The following TGFB2 variants were observed in gnomAD, a reference collection of about 807,000 sequenced individuals.
The protein encoded by TGFB2 is transforming growth factor beta-2 proprotein.
Under a neutral mutation model 42.7 loss-of-function variants are expected in TGFB2, and 13 were observed. The observed-to-expected ratio is 0.30, with a 90% CI of 0.20 to 0.48. The LOEUF (loss-of-function observed/expected upper bound fraction) is 0.48, where lower values mean the gene tolerates loss of function less well. Among genes scored for constraint, TGFB2 ranks in the 20% least tolerant of loss-of-function variants. The probability of loss-of-function intolerance (pLI) is 0.99; values close to 1 mark genes in which losing one functional copy is unlikely to be tolerated. For synonymous variants in TGFB2, 193 were observed against 193.6 expected (o/e 1.00, Z 0.03); for missense variants, 390 against 517.5 (o/e 0.75, Z 2.39).
At position 218,350,851 on chromosome 1, in the gene TGFB2, G is replaced by C. The variant is rs184011471; in HGVS notation, c.346+3804G>C. 2.9e-3 allele frequency among the ~76,000 whole-genome samples: 439 copies of C among 152,320 alleles called. 1 individual carries two copies. The highest frequency in any genetic ancestry group is 4.2e-3 in the Non-Finnish European group (286 of 68,020). On this transcript the variant is annotated intron_variant, in intron 1 of 6. Coordinates refer to ENST00000366930, the MANE Select transcript of TGFB2 (RefSeq NM_003238.6). ...TGAGGAATTATCATGGATTCCCCTT[G>C]CAAGGGAAATAAGCAGTTTGTGTTA... is the stretch of plus-strand genomic sequence containing the variant.
chr1:218,348,289 CAA>C (rs959484848), intron 1 of TGFB2, among the ~76,000 whole-genome samples: 5 of 152,176 alleles, frequency 3.3e-5, no homozygotes, highest in Admixed American at 1.3e-4. Context: ...GCTGCCTTTG[CAA>C]AGTCTCTGTG....
intron 2 of TGFB2, among the ~76,000 whole-genome samples, chr1:218,421,939 G>C (rs1406304805): frequency 6.6e-6 from 1 of 152,080 alleles, no homozygotes; most frequent in African/African-American, 2.4e-5. Context: ...GGCAAAGAAG[G>C]ATCCTCCCTG....
At chr1:218,400,024 AATAT>A (rs1658660981) in intron 1 of TGFB2, among the ~76,000 whole-genome samples, 1 of 152,140 alleles carries the variant, frequency 6.6e-6, no homozygotes, top group South Asian at 2.1e-4. Flanking sequence ...AAAGCCAGAT[AATAT>A]CCCTGTTGCC....
Position 218,361,879 on chromosome 1 carries a change from C to CAGAT in TGFB2, c.346+14833_346+14836dup, listed in dbSNP as rs1158556428. Among the ~76,000 whole-genome samples, 3 of 152,256 alleles carry CAGAT rather than the reference C, an allele frequency of 2.0e-5. No homozygotes were observed. In the East Asian group the frequency reaches 5.8e-4, roughly 29 times the overall value. ...TCTTATTGGTGGGAACATATGTGAG[C>CAGAT]AGATGTCAGCTGGAAGCAGCATATG... On this transcript the variant is annotated intron_variant, in intron 1 of 6. Coordinates refer to ENST00000366930, the MANE Select transcript of TGFB2 (RefSeq NM_003238.6).
chr1:218,378,454 G>A lies in TGFB2; in HGVS notation c.347-26715G>A, dbSNP rs112964298. Among the ~76,000 whole-genome samples, 882 of 152,292 alleles carry A rather than the reference G, an allele frequency of 5.8e-3. 4 individuals are homozygous for A. Among genetic ancestry groups the A allele is most frequent in the Middle Eastern group, 0.02 (6 of 294 alleles). ...GGCCTCCCAAAGTGCTGGGATTACAGGCGTGAGCTACTGCACCCGGCCATT... is the reference window on the plus strand; with the variant it reads ...GGCCTCCCAAAGTGCTGGGATTACAAGCGTGAGCTACTGCACCCGGCCATT... On this transcript the variant is annotated intron_variant, in intron 1 of 6. Coordinates refer to ENST00000366930, the MANE Select transcript of TGFB2 (RefSeq NM_003238.6).
intron 1 of TGFB2, among the ~76,000 whole-genome samples, chr1:218,355,962 G>A (rs116515752): frequency 5.3e-4 from 80 of 152,200 alleles, no homozygotes; most frequent in African/African-American, 1.9e-3. Flanking sequence ...AAAGAATAGC[G>A]GTCTATGTGC....
intron 2 of TGFB2, among the ~76,000 whole-genome samples, chr1:218,429,196 G>A (rs979577117): frequency 1.3e-5 from 2 of 152,036 alleles, no homozygotes; most frequent in Non-Finnish European, 2.9e-5. Flanking sequence ...GGCCAGGCTG[G>A]TCTCAAACTC....
chr1:218,356,887 T>G lies in TGFB2; in HGVS notation c.346+9840T>G, dbSNP rs1358803779. Among the ~76,000 whole-genome samples the G allele has an allele frequency of 2.0e-5, 3 of 152,290 alleles. No individual in the cohort carries two copies. In the East Asian group the frequency reaches 5.8e-4, roughly 29 times the overall value. ...CAGGCAATTCATTTTAAAGGCGGCT[T>G]TAGCAATAGTATGACATTACGGTGT... On this transcript the variant is annotated intron_variant, in intron 1 of 6. Coordinates refer to ENST00000366930, the MANE Select transcript of TGFB2 (RefSeq NM_003238.6).
At chr1:218,374,900 G>A (rs1466465969) in intron 1 of TGFB2, among the ~76,000 whole-genome samples, 2 of 152,098 alleles carry the variant, frequency 1.3e-5, no homozygotes, top group African/African-American at 4.8e-5. Context: ...GTATTTTTAG[G>A]GCTCTTTTTG....
intron 1 of TGFB2, among the ~76,000 whole-genome samples, chr1:218,348,929 C>T (rs1382662572): frequency 6.6e-6 from 1 of 152,066 alleles, no homozygotes; most frequent in Non-Finnish European, 1.5e-5. Context: ...AGCAAGTAAC[C>T]CAAGAGGGCA....
At chr1:218,409,013 A>G (rs904867556) in intron 2 of TGFB2, among the ~76,000 whole-genome samples, 7 of 152,210 alleles carry the variant, frequency 4.6e-5, no homozygotes, top group Non-Finnish European at 8.8e-5. Flanking sequence ...TTTGATTATC[A>G]TAAGGAGCGT....
intron 1 of TGFB2, among the ~76,000 whole-genome samples, chr1:218,398,485 A>C (rs1399919621): frequency 6.6e-6 from 1 of 152,246 alleles, no homozygotes; most frequent in African/African-American, 2.4e-5. Context: ...TTCAGAGCTC[A>C]TCACATATGA....
intron 2 of TGFB2, among the ~76,000 whole-genome samples, chr1:218,419,393 C>G (rs1401939430): frequency 1.3e-5 from 2 of 152,134 alleles, no homozygotes. Context: ...GCCACCGTAC[C>G]TAAGATCTCA....
chr1:218,379,160 T>C (rs1657865122), intron 1 of TGFB2, among the ~76,000 whole-genome samples: 1 of 143,128 alleles, frequency 7.0e-6, no homozygotes, highest in Admixed American at 7.4e-5. Context: ...AGAGACGGAG[T>C]CTCACTCTGT....
chr1:218,364,077 G>T (rs1349703950), intron 1 of TGFB2, among the ~76,000 whole-genome samples: 3 of 152,186 alleles, frequency 2.0e-5, no homozygotes, highest in African/African-American at 7.2e-5. Context: ...TGTTTTTCCA[G>T]TGAGGCCCAG....
At chr1:218,395,334 T>G (rs893091924) in intron 1 of TGFB2, among the ~76,000 whole-genome samples, 1 of 152,220 alleles carries the variant, frequency 6.6e-6, no homozygotes, top group African/African-American at 2.4e-5. Flanking sequence ...TGGCCTTGCA[T>G]TAAAGTTTTT....
chr1:218,410,405 C>G (rs138451764), intron 2 of TGFB2, among the ~76,000 whole-genome samples: 14 of 152,288 alleles, frequency 9.2e-5, no homozygotes, highest in Non-Finnish European at 1.8e-4. Flanking sequence ...TGTGAACTTA[C>G]GATTTTCATT....
intron 2 of TGFB2, among the ~76,000 whole-genome samples, chr1:218,406,408 G>A (rs1428699830): frequency 1.3e-5 from 2 of 152,166 alleles, no homozygotes; most frequent in Non-Finnish European, 2.9e-5. Context: ...GGCATCACCT[G>A]GGGCTGTGAG....
chr1:218,365,723 G>C (rs1216017093), intron 1 of TGFB2, among the ~76,000 whole-genome samples: 1 of 151,606 alleles, frequency 6.6e-6, no homozygotes, highest in East Asian at 1.9e-4. Flanking sequence ...ATGTAAGTGA[G>C]TGTATGCCAG....
Sources: allele counts gnomAD v4.1 joint callset (sites outside exome capture counted in the v4.1 genomes callset), GRCh38; gene constraint gnomAD v4.1.1; transcripts MANE v1.5; gene names NCBI Gene and HGNC (gene_info 2026-07-23, HGNC 2026-07-21).